NXPH1: variants seen among roughly 807,000 people sequenced by gnomAD.
NXPH1 encodes neurexophilin 1.
NXPH1 carries 5 observed loss-of-function variants against 23.7 expected under a neutral mutation model. That is an observed-to-expected ratio of 0.21 (90% CI 0.11 to 0.44). NXPH1 has a LOEUF of 0.44. Among genes scored for constraint, NXPH1 ranks in the 20% least tolerant of loss-of-function variants. The probability of loss-of-function intolerance (pLI) is 0.99; values close to 1 mark genes in which losing one functional copy is unlikely to be tolerated. For synonymous variants in NXPH1, 144 were observed against 122.2 expected, an observed-to-expected ratio of 1.18 and a Z score of -1.18; for missense variants, 324 against 321.6, an observed-to-expected ratio of 1.01 and a Z score of -0.06.
intron 2 of NXPH1, among the ~76,000 whole-genome samples, chr7:8,482,109 G>A (rs1332249382): frequency 6.6e-6 from 1 of 152,210 alleles, no homozygotes; most frequent in Non-Finnish European, 1.5e-5. Flanking sequence ...GCCCAACAGA[G>A]TGAAACTGCT....
chr7:8,524,109 G>A (rs1165004427), intron 2 of NXPH1, among the ~76,000 whole-genome samples: 2 of 151,878 alleles, frequency 1.3e-5, no homozygotes, highest in Non-Finnish European at 2.9e-5. Flanking sequence ...GGGCCCAGTG[G>A]CAGGCACCTG....
At chr7:8,515,381 A>G (rs1817671372) in intron 2 of NXPH1, among the ~76,000 whole-genome samples, 1 of 152,088 alleles carries the variant, frequency 6.6e-6, no homozygotes, top group Non-Finnish European at 1.5e-5. Flanking sequence ...CCAAAGGCTA[A>G]TATTTTATCT....
chr7:8,551,840 C>T (rs1482795065), intron 2 of NXPH1, among the ~76,000 whole-genome samples: 3 of 151,350 alleles, frequency 2.0e-5, no homozygotes, highest in African/African-American at 7.3e-5. Context: ...CCATGTCCAA[C>T]CATTTTAGGT....
chr7:8,527,541 G>T (rs1317124713), intron 2 of NXPH1, among the ~76,000 whole-genome samples: 2 of 152,150 alleles, frequency 1.3e-5, no homozygotes, highest in African/African-American at 2.4e-5. Flanking sequence ...ACAATCAGAA[G>T]GGGGAGACCA....
chr7:8,642,159 T>G lies in NXPH1; in HGVS notation c.55-108849T>G, dbSNP rs916578074. ...AATTAGCTTCCTTAAAAAGGGTGTT[T>G]TGAAGATCCTTTTTACGGGTACTTT... On this transcript the variant is annotated intron_variant, in intron 2 of 2. Coordinates refer to ENST00000405863, the MANE Select transcript of NXPH1 (RefSeq NM_152745.3). Among the ~76,000 whole-genome samples, 3 of 152,242 alleles carry G rather than the reference T, an allele frequency of 2.0e-5. No individual in the cohort carries two copies. In the South Asian group the frequency reaches 6.2e-4, roughly 32 times the overall value.
At chr7:8,455,922 T>G (rs909090979) in intron 2 of NXPH1, among the ~76,000 whole-genome samples, 1 of 152,202 alleles carries the variant, frequency 6.6e-6, no homozygotes, top group South Asian at 2.1e-4. Flanking sequence ...AATCATTTAT[T>G]TCCTGACCCT....
intron 2 of NXPH1, among the ~76,000 whole-genome samples, chr7:8,735,159 C>CAA (rs1780226951): frequency 6.6e-6 from 1 of 152,144 alleles, no homozygotes; most frequent in Non-Finnish European, 1.5e-5. Flanking sequence ...ATTGCCCTGG[C>CAA]CAGAACTTCC....
At chr7:8,544,393 T>C (rs1457199743) in intron 2 of NXPH1, among the ~76,000 whole-genome samples, 1 of 151,558 alleles carries the variant, frequency 6.6e-6, no homozygotes, top group Admixed American at 6.6e-5. Context: ...TTGAAGAATA[T>C]TCTCTGGCAA....
intron 2 of NXPH1, among the ~76,000 whole-genome samples, chr7:8,595,880 C>G (rs1383935264): frequency 6.6e-6 from 1 of 151,910 alleles, no homozygotes; most frequent in African/African-American, 2.4e-5. Flanking sequence ...GGTTTTACAG[C>G]CTGTTCTCTA....
intron 2 of NXPH1, among the ~76,000 whole-genome samples, chr7:8,625,929 G>A (rs1461266620): frequency 6.6e-6 from 1 of 152,148 alleles, no homozygotes; most frequent in Non-Finnish European, 1.5e-5. Flanking sequence ...CTCTGATCTT[G>A]AGAAAGCTGA....
At chr7:8,615,210 A>G (rs1409232470) in intron 2 of NXPH1, among the ~76,000 whole-genome samples, 3 of 152,034 alleles carry the variant, frequency 2.0e-5, no homozygotes, top group Admixed American at 6.6e-5. Context: ...GTTTTCAGGA[A>G]TGGGATTGCG....
chr7:8,705,073 C>T (rs1254629481), intron 2 of NXPH1, among the ~76,000 whole-genome samples: 1 of 152,104 alleles, frequency 6.6e-6, no homozygotes, highest in Non-Finnish European at 1.5e-5. Context: ...CTGCAGTCCA[C>T]TAGTCAAAGT....
At chr7:8,642,427 A>G (rs531668600) in intron 2 of NXPH1, among the ~76,000 whole-genome samples, 27 of 152,294 alleles carry the variant, frequency 1.8e-4, no homozygotes, top group Middle Eastern at 3.4e-3. Context: ...GGTATTCTTA[A>G]TTCAAATGAT....
intron 2 of NXPH1, among the ~76,000 whole-genome samples, chr7:8,739,487 A>T (rs986157535): frequency 2.0e-5 from 3 of 151,970 alleles, no homozygotes; most frequent in Non-Finnish European, 4.4e-5. Flanking sequence ...GCACTGTCTA[A>T]CCATTCCCTG....
At chr7:8,545,728 G>T (rs2128618980) in intron 2 of NXPH1, among the ~76,000 whole-genome samples, 1 of 151,544 alleles carries the variant, frequency 6.6e-6, no homozygotes, top group African/African-American at 2.4e-5. Flanking sequence ...AATATCAACT[G>T]CTTAGACTCC....
chr7:8,503,474 T>C (rs373468125), intron 2 of NXPH1, among the ~76,000 whole-genome samples: 6 of 152,024 alleles, frequency 3.9e-5, no homozygotes, highest in African/African-American at 1.4e-4. Flanking sequence ...AGATTGACTC[T>C]TACATTTACA....
At chr7:8,508,906 C>T (rs571682552) in intron 2 of NXPH1, among the ~76,000 whole-genome samples, 8 of 152,088 alleles carry the variant, frequency 5.3e-5, no homozygotes, top group African/African-American at 1.7e-4. Flanking sequence ...GAGGCGGGCA[C>T]ATTAGAGGAA....
At chr7:8,709,624 T>C (rs1012141966) in intron 2 of NXPH1, among the ~76,000 whole-genome samples, 4 of 152,164 alleles carry the variant, frequency 2.6e-5, no homozygotes, top group African/African-American at 4.8e-5. Flanking sequence ...TTATAAAGAA[T>C]TTAAACAAGG....
intron 2 of NXPH1, among the ~76,000 whole-genome samples, chr7:8,591,014 C>T (rs1282333791): frequency 1.3e-5 from 2 of 152,020 alleles, no homozygotes; most frequent in South Asian, 2.1e-4. Context: ...AGTGCTCATG[C>T]AGTTTCAGAA....
Sources: allele counts gnomAD v4.1 joint callset (sites outside exome capture counted in the v4.1 genomes callset), GRCh38; gene constraint gnomAD v4.1.1; transcripts MANE v1.5; gene names NCBI Gene and HGNC (gene_info 2026-07-23, HGNC 2026-07-21).